Variants in EFNA5 observed in about 807,000 individuals in gnomAD.
EFNA5 encodes the protein ephrin-A5.
A neutral mutation model predicts 22.9 loss-of-function variants in EFNA5; 5 were observed. The ratio of observed to expected loss-of-function variants is 0.22; its 90% CI spans 0.11 to 0.46. EFNA5 has a LOEUF of 0.46. Ranked by LOEUF, EFNA5 falls within the 20% of genes least tolerant of loss-of-function variation. The pLI is 0.99. For missense variants in EFNA5, 237 were observed against 293.3 expected (o/e 0.81, Z 1.40); for synonymous variants, 113 against 112.2 (o/e 1.01, Z -0.04).
chr5:107,381,859 G>T (rs1437043478), intron 4 of EFNA5, among the ~76,000 whole-genome samples: 3 of 152,194 alleles, frequency 2.0e-5, no homozygotes, highest in Non-Finnish European at 2.9e-5. Flanking sequence ...ATGCCTGGTT[G>T]TTGGATGCCT....
chr5:107,599,947 T>C (rs1749559858), intron 1 of EFNA5, among the ~76,000 whole-genome samples: 2 of 152,350 alleles, frequency 1.3e-5, no homozygotes, highest in Admixed American at 6.5e-5. Context: ...GCAGCTTCCC[T>C]TCAGGACTCT....
intron 1 of EFNA5, among the ~76,000 whole-genome samples, chr5:107,575,154 A>G (rs1748901001): frequency 6.6e-6 from 1 of 152,254 alleles, no homozygotes; most frequent in Non-Finnish European, 1.5e-5. Context: ...TAAATATAAC[A>G]AGCAGTTAAT....
At chr5:107,546,243 A>G (rs960242494) in intron 1 of EFNA5, among the ~76,000 whole-genome samples, 6 of 152,230 alleles carry the variant, frequency 3.9e-5, no homozygotes, top group African/African-American at 7.2e-5. Context: ...CCCTCCTAGC[A>G]CTGGTGCGGC....
intron 1 of EFNA5, among the ~76,000 whole-genome samples, chr5:107,496,052 G>A (rs1376977318): frequency 9.2e-5 from 14 of 151,562 alleles, no homozygotes; most frequent in Admixed American, 3.3e-4. Flanking sequence ...GCAGGCTGGC[G>A]CGGTGGCTCA....
chr5:107,520,369 G>A (rs968402658), intron 1 of EFNA5, among the ~76,000 whole-genome samples: 3 of 152,158 alleles, frequency 2.0e-5, no homozygotes, highest in African/African-American at 7.2e-5. Flanking sequence ...CAAGAAACCA[G>A]TTACTAAGAA....
intron 1 of EFNA5, among the ~76,000 whole-genome samples, chr5:107,636,313 C>T (rs534838909): frequency 2.6e-5 from 4 of 152,298 alleles, no homozygotes; most frequent in African/African-American, 9.6e-5. Context: ...GCTGCATATG[C>T]GTGCAAAAGT....
chr5:107,536,574 G>A (rs1230540018), intron 1 of EFNA5, among the ~76,000 whole-genome samples: 1 of 152,084 alleles, frequency 6.6e-6, no homozygotes, highest in Admixed American at 6.6e-5. Context: ...TATTTCTAAA[G>A]GATGGTCAAC....
rs1747317969 is a variant in EFNA5 at position 107,378,110 on chromosome 5, A to G, written c.*3145T>C. On this transcript the variant is annotated 3_prime_UTR_variant, in exon 5 of 5. Coordinates refer to ENST00000333274, the MANE Select transcript of EFNA5 (RefSeq NM_001962.3). The stretch of plus-strand genomic sequence containing the variant: ...TCTATTGTTCTCACTTACAAAAGAC[A>G]TAAGAATCAAATTAATACTTTATTA... The G allele has an allele frequency of 1.3e-5, 2 of 152,196 alleles. No individual in the cohort carries two copies. The highest frequency in any genetic ancestry group is 4.8e-5 in the African/African-American group (2 of 41,440). 9.4% of individuals were successfully genotyped at this position (152,196 alleles called of 1,614,324 possible). A position where few individuals can be genotyped will look rare whatever the true frequency, so the allele number is the denominator to read the frequency against.
chr5:107,600,824 T>G (rs969633782), intron 1 of EFNA5, among the ~76,000 whole-genome samples: 12 of 152,280 alleles, frequency 7.9e-5, no homozygotes, highest in South Asian at 6.2e-4. Context: ...TTCTGAAGTA[T>G]GTTTAATCTG....
At chr5:107,529,503 C>T (rs1207731739) in intron 1 of EFNA5, among the ~76,000 whole-genome samples, 2 of 152,084 alleles carry the variant, frequency 1.3e-5, no homozygotes, top group Non-Finnish European at 2.9e-5. Context: ...CCAGGCAGCA[C>T]AATCTGGAAA....
At chr5:107,482,442 A>C (rs1750494847) in intron 1 of EFNA5, among the ~76,000 whole-genome samples, 1 of 152,174 alleles carries the variant, frequency 6.6e-6, no homozygotes, top group Admixed American at 6.5e-5. Flanking sequence ...GTTCTTGTTT[A>C]AACTAGAGAA....
rs1156323170 is a variant in EFNA5 at position 107,493,007 on chromosome 5, A to ATACATCTTTAAGATCTATTCTTG, written c.126-65521_126-65499dup. On this transcript the variant is annotated intron_variant, in intron 1 of 4. Transcript: ENST00000333274. The stretch of plus-strand genomic sequence containing the variant: ...GACTCCATCTCAAAAAAAAAAAAAA[A>ATACATCTTTAAGATCTATTCTTG]TACATCTTTAAGATCTATTCTTGTA... 1.7e-4 allele frequency among the ~76,000 whole-genome samples: 26 copies of ATACATCTTTAAGATCTATTCTTG among 151,146 alleles called. No homozygotes were observed. In the East Asian group the frequency reaches 5.1e-3, roughly 30 times the overall value.
chr5:107,666,628 C>A (rs1045026288), intron 1 of EFNA5, among the ~76,000 whole-genome samples: 6 of 152,092 alleles, frequency 3.9e-5, no homozygotes, highest in African/African-American at 1.4e-4. Context: ...CAAACCTTAA[C>A]AGAAGCAAAG....
At chr5:107,502,116 G>A (rs190709047) in intron 1 of EFNA5, among the ~76,000 whole-genome samples, 22 of 152,322 alleles carry the variant, frequency 1.4e-4, no homozygotes, top group Admixed American at 1.3e-3. Context: ...TTCACCCAAC[G>A]TAGGGCAGAA....
intron 1 of EFNA5, among the ~76,000 whole-genome samples, chr5:107,548,146 C>T (rs1371919477): frequency 1.3e-5 from 2 of 152,300 alleles, no homozygotes; most frequent in South Asian, 4.1e-4. Flanking sequence ...AACTAACCTA[C>T]TCAAGGAAGC....
chr5:107,502,602 T>C (rs1215509503), intron 1 of EFNA5, among the ~76,000 whole-genome samples: 3 of 152,172 alleles, frequency 2.0e-5, no homozygotes, highest in East Asian at 3.9e-4. Flanking sequence ...GGGGTTGATA[T>C]ATACACACAC....
At chr5:107,548,476 A>G (rs1748217491) in intron 1 of EFNA5, among the ~76,000 whole-genome samples, 1 of 152,236 alleles carries the variant, frequency 6.6e-6, no homozygotes, top group Admixed American at 6.5e-5. Context: ...TGCTGTAGAT[A>G]TACCTTCAGA....
chr5:107,443,640 CA>C (rs751602946), intron 1 of EFNA5, among the ~76,000 whole-genome samples: 7 of 152,022 alleles, frequency 4.6e-5, no homozygotes, highest in Non-Finnish European at 1.0e-4. Flanking sequence ...TGTTCTTACT[CA>C]TAAGTGGGAA....
Position 107,484,288 on chromosome 5 carries a change from G to A in EFNA5, c.126-56779C>T, listed in dbSNP as rs551155073. On this transcript the variant is annotated intron_variant, in intron 1 of 4. Transcript: ENST00000333274. Reference sequence around the variant, plus strand: ...ATTATGGAGTAGGTGCCCACAGTGAGAGAGGGCGCCTGGTTCTCCAAGCCG... The same window carrying A: ...ATTATGGAGTAGGTGCCCACAGTGAAAGAGGGCGCCTGGTTCTCCAAGCCG... 2.0e-5 allele frequency among the ~76,000 whole-genome samples: 3 copies of A among 152,318 alleles called. No homozygotes were observed. In the East Asian group the frequency reaches 5.8e-4, roughly 29 times the overall value.
Sources: gnomAD v4.1 joint callset for allele counts (sites outside exome capture counted in the v4.1 genomes callset) on GRCh38, gnomAD v4.1.1 for gene constraint, MANE v1.5 for transcripts, NCBI Gene and HGNC (gene_info 2026-07-23, HGNC 2026-07-21) for gene names.